COL4A5: variants seen among roughly 807,000 people sequenced by gnomAD.
The protein encoded by COL4A5 is collagen type IV alpha 5 chain, also known as collagen alpha-5(IV) chain.
COL4A5 carries 26 observed loss-of-function variants against 130.2 expected under a neutral mutation model. The ratio of observed to expected loss-of-function variants is 0.20; its 90% CI spans 0.15 to 0.28. The LOEUF (loss-of-function observed/expected upper bound fraction) is 0.28, where lower values mean the gene tolerates loss of function less well. Ranked by LOEUF, COL4A5 falls within the 10% of genes least tolerant of loss-of-function variation. COL4A5 has a pLI of 1.00. For synonymous variants in COL4A5, 496 were observed against 439.6 expected (o/e 1.13, Z -1.60); for missense variants, 1,131 against 1,344.3 (o/e 0.84, Z 2.48).
intron 1 of COL4A5, among the ~76,000 whole-genome samples, chrX:108,531,303 C>T (rs868017758): frequency 2.0e-5 from 2 of 100,394 alleles, no homozygotes; most frequent in Non-Finnish European, 4.0e-5. Context: ...GGCACATGTA[C>T]ACATATGTAA....
At chrX:108,476,519 C>CTT (rs55972915) in intron 1 of COL4A5, among the ~76,000 whole-genome samples, 9 of 55,868 alleles carry the variant, frequency 1.6e-4, no homozygotes, top group East Asian at 9.9e-4. Context: ...TCTAACTGTT[C>CTT]TTTTTTTTTT....
At chrX:108,679,919 A>C (rs1054148870) in intron 44 of COL4A5, among the ~76,000 whole-genome samples, 1 of 112,361 alleles carries the variant, frequency 8.9e-6, no homozygotes, top group Non-Finnish European at 1.9e-5. Flanking sequence ...TCTAGAGGAG[A>C]AAAAGGAAGA....
intron 3 of COL4A5, among the ~76,000 whole-genome samples, chrX:108,559,704 A>C (rs1045297788): frequency 1.8e-5 from 2 of 111,942 alleles, no homozygotes; most frequent in African/African-American, 3.2e-5. Flanking sequence ...GGGTGGGAGA[A>C]GGAGAAGAGC....
chrX:108,455,321 C>G (rs1280930021), intron 1 of COL4A5, among the ~76,000 whole-genome samples: 2 of 112,114 alleles, frequency 1.8e-5, no homozygotes, highest in African/African-American at 6.5e-5. Flanking sequence ...ATACACCACA[C>G]TGTTGATGGA....
At chrX:108,687,429 A>T (rs750615797) in intron 48 of COL4A5, 53 bp from the exon 49 acceptor site, 60 of 1,003,231 alleles carry the variant, frequency 6.0e-5, no homozygotes, top group Non-Finnish European at 7.9e-5. Context: ...AATATCCATA[A>T]GAGTGGATCA....
chrX:108,586,511 G>T (rs2066337338), intron 18 of COL4A5, 104 bp from the exon 19 acceptor site: 1 of 800,307 alleles, frequency 1.2e-6, no homozygotes, highest in South Asian at 2.3e-5. Flanking sequence ...TAAACTATGT[G>T]AAAATGATGA....
intron 1 of COL4A5, among the ~76,000 whole-genome samples, chrX:108,502,611 G>A (rs2065091570): frequency 8.9e-6 from 1 of 111,974 alleles, no homozygotes; most frequent in Admixed American, 9.5e-5. Flanking sequence ...TTTTTGTGTA[G>A]TCCGTTGCCT....
At chrX:108,598,925 T>C in intron 25 of COL4A5, 55 bp downstream of exon 25, 10 of 1,152,069 alleles carry the variant, frequency 8.7e-6, no homozygotes, top group Non-Finnish European at 1.2e-5. Context: ...AAATTTATTA[T>C]GTTTTGGCTA....
In COL4A5 at chrX:108,483,203, ATG is replaced by A. The variant is rs778401670; in HGVS notation, c.81+43015_81+43016del. 1.1e-4 allele frequency among the ~76,000 whole-genome samples: 11 copies of A among 99,165 alleles called. No individual in the cohort carries two copies. The East Asian group carries it at 1.3e-3, about 11-fold the overall frequency. 86.1% of individuals were successfully genotyped at this position (99,165 alleles called of 115,157 possible). A position where few individuals can be genotyped will look rare whatever the true frequency, so the allele number is the denominator to read the frequency against. On this transcript the variant is annotated intron_variant, in intron 1 of 52. Transcript: ENST00000328300. Reference sequence around the variant, plus strand: ...CTTAAAGGGACAGAACTAATAGGATATGTGTGTGTGTGTGTGTGTATGTGTGT... The same window carrying A: ...CTTAAAGGGACAGAACTAATAGGATATGTGTGTGTGTGTGTGTATGTGTGT...
chrX:108,559,299 C>T, intron 3 of COL4A5, 146 bp downstream of exon 3: 1 of 511,232 alleles, frequency 2.0e-6, no homozygotes, highest in Non-Finnish European at 3.5e-6. Flanking sequence ...GGAGTCTGTA[C>T]TTTATTGTAT....
chrX:108,492,630 A>G (rs1000502522), intron 1 of COL4A5, among the ~76,000 whole-genome samples: 5 of 111,946 alleles, frequency 4.5e-5, no homozygotes, highest in Non-Finnish European at 1.9e-5. Flanking sequence ...AGTAAAATGG[A>G]CAAATCGAAT....
intron 1 of COL4A5, among the ~76,000 whole-genome samples, chrX:108,453,227 G>A (rs970113442): frequency 3.6e-5 from 4 of 111,548 alleles, no homozygotes; most frequent in Non-Finnish European, 7.5e-5. Flanking sequence ...TAAAGTTTCA[G>A]ATTCTACATT....
chrX:108,607,836 G>T (rs751265059), intron 29 of COL4A5, among the ~76,000 whole-genome samples: 51 of 111,224 alleles, frequency 4.6e-4, no homozygotes, highest in Non-Finnish European at 8.7e-4. Context: ...ATTTTCTTTT[G>T]ACTTTATTTG....
At chrX:108,693,888 T>A (rs1238882698) in intron 50 of COL4A5, 2 of 111,698 alleles carry the variant, frequency 1.8e-5, no homozygotes, top group Non-Finnish European at 3.8e-5. Flanking sequence ...TTTATTCTGA[T>A]CATGACCCAG....
chrX:108,639,639 T>C (rs1176966290), intron 36 of COL4A5, among the ~76,000 whole-genome samples: 1 of 111,702 alleles, frequency 9.0e-6, no homozygotes, highest in Non-Finnish European at 1.9e-5. Context: ...GTATATCTGG[T>C]AAAAGATTAA....
chrX:108,497,947 T>G (rs891217856), intron 1 of COL4A5, among the ~76,000 whole-genome samples: 1 of 111,724 alleles, frequency 9.0e-6, no homozygotes, highest in Non-Finnish European at 1.9e-5. Flanking sequence ...AAAGTTTTCT[T>G]CCAGTTTGTT....
chrX:108,441,643 G>A (rs2064400534), intron 1 of COL4A5, among the ~76,000 whole-genome samples: 2 of 112,185 alleles, frequency 1.8e-5, no homozygotes, highest in Admixed American at 9.4e-5. Flanking sequence ...CTTAATGGGG[G>A]TAAGGTTTAG....
intron 3 of COL4A5, among the ~76,000 whole-genome samples, chrX:108,562,819 C>A (rs988467491): frequency 7.2e-5 from 8 of 111,191 alleles, no homozygotes; most frequent in Admixed American, 1.9e-4. Context: ...TCTAAAAAAT[C>A]AAATTTAGTT....
chrX:108,689,420 G>C, intron 49 of COL4A5: 1 of 753,481 alleles, frequency 1.3e-6, no homozygotes, highest in Non-Finnish European at 1.6e-6. Flanking sequence ...AATGCAGTTA[G>C]AAGATGGAAT....
Sources: gnomAD v4.1 joint callset for allele counts (sites outside exome capture counted in the v4.1 genomes callset) on GRCh38, gnomAD v4.1.1 for gene constraint, MANE v1.5 for transcripts, NCBI Gene and HGNC (gene_info 2026-07-23, HGNC 2026-07-21) for gene names.